The following SCN4A variants were observed in gnomAD, a reference collection of about 807,000 sequenced individuals.
The protein encoded by SCN4A is sodium voltage-gated channel alpha subunit 4.
In SCN4A, 83 loss-of-function variants were observed where a neutral mutation model predicts 162.0. The observed-to-expected ratio is 0.51, with a 90% CI of 0.43 to 0.61. The LOEUF (loss-of-function observed/expected upper bound fraction) is 0.61. SCN4A is among the 20% of genes least tolerant of loss of function. SCN4A has a pLI of 0.00. For missense variants in SCN4A, 2,196 were observed against 2,462.5 expected (o/e 0.89, Z 2.29); for synonymous variants, 944 against 985.1 (o/e 0.96, Z 0.78).
chr17:63,946,281 A>G (rs995820164), intron 18 of SCN4A, among the ~76,000 whole-genome samples: 1 of 151,924 alleles, frequency 6.6e-6, no homozygotes, highest in African/African-American at 2.4e-5. Flanking sequence ...TTTCCCCTCA[A>G]CGGGAGGGCT....
At chr17:63,942,688 G>C (rs1598405584) in intron 23 of SCN4A, 138 bp downstream of exon 23, 2 of 868,358 alleles carry the variant, frequency 2.3e-6, no homozygotes, top group East Asian at 2.7e-5. Flanking sequence ...TGTGCATTGA[G>C]AGTGAATGGC....
Position 63,959,378 on chromosome 17 carries a change from C to T in SCN4A, c.1906G>A (p.Glu636Lys), listed in dbSNP as rs1428915702. The T allele has an allele frequency of 8.7e-6, 14 of 1,613,810 alleles. No homozygotes were observed. Among genetic ancestry groups the T allele is most frequent in the Non-Finnish European group, 1.2e-5 (14 of 1,179,840 alleles). Residue 636 changes from glutamate to lysine, a missense_variant, in exon 12 of 24, where the codon GAG becomes AAG. Glu to Lys is a moderately conservative substitution (Grantham distance 56). Transcript: ENST00000435607. ...VLKLIAMDPY[E>K]YFQQGWNIFD... ...ATATTCCAACCCTGCTGGAAATACT[C>T]GTAGGGGTCCATGGCAATCAGCTTC...
At chr17:63,957,557 G>T (rs751066973) in intron 12 of SCN4A, 39 bp from the exon 13 acceptor site, 3 of 1,449,584 alleles carry the variant, frequency 2.1e-6, no homozygotes, top group African/African-American at 1.4e-5. Flanking sequence ...GAGGCCCAGG[G>T]ACCACCACCC....
At chr17:63,955,901 A>G in intron 13 of SCN4A, among the ~76,000 whole-genome samples, 1 of 152,240 alleles carries the variant, frequency 6.6e-6, no homozygotes, top group East Asian at 1.9e-4. Flanking sequence ...GCTGCAGCTC[A>G]GGGATTCCAT....
rs200415517 is a variant in SCN4A, at chr17:63,940,851, T to A, written c.5431A>T (p.Ser1811Cys). 6.2e-7 allele frequency: 1 copy of A among 1,612,728 alleles called. No homozygotes were observed. Among genetic ancestry groups the A allele is most frequent in the East Asian group, 2.2e-5 (1 of 44,860 alleles). ...GGAGGCCAGGCAGTGTCTGAGGGGC[T>A]GATGGGCATCAGCCCCATAGTGGGT... ...AGPTMGLMPISPSDTAWPPAP... is the reference protein window; with the variant it reads ...AGPTMGLMPICPSDTAWPPAP... The change falls in exon 24 of 24, where the codon AGC becomes TGC. Residue 1811 changes from serine to cysteine, a missense_variant. Physicochemically the swap from Ser to Cys is moderately radical, Grantham distance 112. Transcript: ENST00000435607.
chr17:63,943,670 A>G (rs1460471555), intron 22 of SCN4A, 76 bp downstream of exon 22: 3 of 926,500 alleles, frequency 3.2e-6, no homozygotes, highest in Non-Finnish European at 5.1e-6. Context: ...GGAAGGCAGG[A>G]AACCTTTTAC....
Position 63,944,832 on chromosome 17 carries a change from A to T in SCN4A, c.3775-22T>A, listed in dbSNP as rs1358599976. The T allele has an allele frequency of 6.2e-7, 1 of 1,611,762 alleles. No homozygotes were observed. The highest frequency in any genetic ancestry group is 1.3e-5 in the African/African-American group (1 of 74,816). On this transcript the variant is annotated intron_variant, in intron 20 of 23. Transcript: ENST00000435607. The surrounding 1 kb of genome is among the most constrained non-coding windows in gnomAD (Gnocchi z 4.3). ...CCTTCTGTGGGAGCCACAGGGTGGG[A>T]CGGCGTGGGTTTGCACGCTGGCTTC...
In SCN4A at chr17:63,949,432, TCTC is replaced by T; in HGVS notation, c.2947_2949del (p.Glu983del). ...TCCTCAGGCTGCTCCCCCTCGGGGT[TCTC>T]CTCTGCCTGCTCCTCAGGGTCCTCC... On this transcript the variant is annotated inframe_deletion, in exon 15 of 24. Coordinates refer to ENST00000435607, the MANE Select transcript of SCN4A (RefSeq NM_000334.4). 1 of 1,601,874 alleles carries T rather than the reference TCTC, an allele frequency of 6.2e-7. No individual in the cohort carries two copies. Among genetic ancestry groups the T allele is most frequent in the Non-Finnish European group, 8.5e-7 (1 of 1,173,884 alleles).
At chr17:63,971,632 A>G (rs951327286) in intron 4 of SCN4A, 90 bp downstream of exon 4, 14 of 1,204,820 alleles carry the variant, frequency 1.2e-5, no homozygotes, top group Non-Finnish European at 1.7e-5. Context: ...TGTCCCCTGC[A>G]GCCCTCAGCC....
Position 63,971,853 on chromosome 17 carries a change from G to C in SCN4A, c.483-3C>G, listed in dbSNP as rs759754258. On this transcript the variant is annotated splice_polypyrimidine_tract_variant and splice_region_variant and intron_variant, in intron 3 of 23. Coordinates refer to ENST00000435607, the MANE Select transcript of SCN4A (RefSeq NM_000334.4). The stretch of plus-strand genomic sequence containing the variant: ...TGTAGATCCCTGTGAAGGTGTACCT[G>C]GGGGGGAGAGGGCCGGCCGGGACAG... 23 of 1,516,092 alleles carry C rather than the reference G, an allele frequency of 1.5e-5. No homozygotes were observed. Among genetic ancestry groups the C allele is most frequent in the African/African-American group, 4.8e-5 (3 of 62,438 alleles). The allele number at this position is 1,516,092 out of a possible 1,614,324, so 93.9% of individuals were successfully genotyped here.
At chr17:63,967,728 T>C (rs945271841) in intron 6 of SCN4A, among the ~76,000 whole-genome samples, 1 of 151,342 alleles carries the variant, frequency 6.6e-6, no homozygotes, top group Non-Finnish European at 1.5e-5. Context: ...AGGTCAGGAG[T>C]TCGAGACCAG....
In SCN4A at chr17:63,947,997, C is replaced by A. The variant is rs764933646; in HGVS notation, c.3211G>T (p.Val1071Phe). The A allele has an allele frequency of 1.2e-6, 2 of 1,613,920 alleles. No individual in the cohort carries two copies. Among genetic ancestry groups the A allele is most frequent in the South Asian group, 2.2e-5 (2 of 91,070 alleles). ...TCCATGATGAAGATGTAGGTGAAGA[C>A]CTTGTCGGCATATTCTAGGATGGTG... ...IRTILEYADK[V>F]FTYIFIMEML... The change falls in exon 17 of 24, where the codon GTC becomes TTC. Residue 1071 changes from valine (V) to phenylalanine (F), a missense_variant. Val to Phe is a conservative substitution (Grantham distance 50). Coordinates refer to ENST00000435607, the MANE Select transcript of SCN4A (RefSeq NM_000334.4).
In SCN4A at chr17:63,944,532, G is replaced by T. The variant is rs951859022; in HGVS notation, c.3912+141C>A. The T allele has an allele frequency of 1.1e-5, 10 of 870,302 alleles. No homozygotes were observed. The African/African-American group carries it at 1.5e-4, about 13-fold the overall frequency. 53.9% of individuals were successfully genotyped at this position (870,302 alleles called of 1,614,324 possible). A position where few individuals can be genotyped will look rare whatever the true frequency, so the allele number is the denominator to read the frequency against. ...TTGTTCAAGGTGGCCTGGTGGGACT[G>T]GGACCCAAGCTAGCTGCCTGAACCA... On this transcript the variant is annotated intron_variant, in intron 21 of 23. Transcript: ENST00000435607. This position sits in a 1 kb window ranked among gnomAD's most constrained non-coding sequence, Gnocchi z 4.3.
chr17:63,943,594 C>A (rs1667797868), intron 22 of SCN4A, among the ~76,000 whole-genome samples, 152 bp downstream of exon 22: 2 of 152,086 alleles, frequency 1.3e-5, no homozygotes, highest in Non-Finnish European at 2.9e-5. Context: ...TCCCTCCCTG[C>A]AGGTAGACCA....
At chr17:63,965,233 T>C (rs938465638) in intron 8 of SCN4A, among the ~76,000 whole-genome samples, 1 of 151,992 alleles carries the variant, frequency 6.6e-6, no homozygotes, top group African/African-American at 2.4e-5. Context: ...TTTGTAGAGA[T>C]GGGTTTCGCC....
At chr17:63,955,144 A>C (rs1909031869) in intron 13 of SCN4A, among the ~76,000 whole-genome samples, 1 of 152,218 alleles carries the variant, frequency 6.6e-6, no homozygotes, top group African/African-American at 2.4e-5. Flanking sequence ...TACTGGAGTT[A>C]CATGGACCCA....
intron 13 of SCN4A, among the ~76,000 whole-genome samples, chr17:63,954,213 C>A (rs1909004208): frequency 6.6e-6 from 1 of 152,208 alleles, no homozygotes; most frequent in Admixed American, 6.5e-5. Flanking sequence ...TGATTATATT[C>A]TGTTAATCAT....
chr17:63,963,403 C>CT (rs1909330110), intron 10 of SCN4A, among the ~76,000 whole-genome samples: 1 of 152,238 alleles, frequency 6.6e-6, no homozygotes, highest in African/African-American at 2.4e-5. Flanking sequence ...GGCCTTGCAG[C>CT]TAGAACTGGG....
At position 63,957,176 on chromosome 17, in the gene SCN4A, T is replaced by C. The variant is rs748811517; in HGVS notation, c.2362A>G (p.Ile788Val). The C allele has an allele frequency of 5.1e-6, 8 of 1,573,882 alleles. No homozygotes were observed. In the East Asian group the frequency reaches 6.8e-5, roughly 13 times the overall value. ...GCCTCACTCACCACAAGATTGCCGA[T>C]GACCATGACCATGAGGAAGACGGTG... ...CLTVFLMVMV[I>V]GNLVVLNLFL... The change falls in exon 13 of 24, where the codon ATC becomes GTC. Residue 788 changes from isoleucine (I) to valine (V), a missense_variant. Physicochemically the swap from Ile to Val is conservative, Grantham distance 29. Transcript: ENST00000435607.
Sources: gnomAD v4.1 joint callset for allele counts (sites outside exome capture counted in the v4.1 genomes callset) on GRCh38, gnomAD v4.1.1 for gene constraint, Gnocchi (gnomAD v3.1) non-coding constraint, MANE v1.5 for transcripts, NCBI Gene and HGNC (gene_info 2026-07-23, HGNC 2026-07-21) for gene names.